Variants in IFIT1 observed in about 807,000 individuals in gnomAD.
IFIT1 encodes the protein antiviral innate immune response effector IFIT1.
A neutral mutation model predicts 2.5 loss-of-function variants in IFIT1; 1 was observed. That is an observed-to-expected ratio of 0.40 (90% CI 0.14 to 1.92). IFIT1 has a LOEUF of 1.92. IFIT1 is among the 40% of genes most tolerant of loss of function. IFIT1 has a pLI of 0.31. For missense variants in IFIT1, 508 were observed against 557.8 expected, an observed-to-expected ratio of 0.91 and a Z score of 0.90; for synonymous variants, 191 against 201.7, an observed-to-expected ratio of 0.95 and a Z score of 0.45.
Position 89,402,344 on chromosome 10 carries a change from GGA to G in IFIT1, c.71_72del (p.Glu24ValfsTer4). The G allele has an allele frequency of 6.2e-7, 1 of 1,614,106 alleles. No individual in the cohort carries two copies. Among genetic ancestry groups the G allele is most frequent in the Non-Finnish European group, 8.5e-7 (1 of 1,179,970 alleles). ...AGCAATTGAGATGTCACTTTACATG[GGA>G]GTTATCCATTGATGACGATGAAATG... ...LEQLRCHFTW[E>X]LSIDDDEMPD... On this transcript the variant is annotated frameshift_variant, in exon 2 of 2. Coordinates refer to ENST00000371804, the MANE Select transcript of IFIT1 (RefSeq NM_001548.5). LOFTEE classifies it low-confidence loss of function (END_TRUNC).
At position 89,404,222 on chromosome 10, in the gene IFIT1, A is replaced by G. The variant is rs907976921; in HGVS notation, c.*510A>G. The G allele has an allele frequency of 1.3e-5, 2 of 151,990 alleles. No homozygotes were observed. Among genetic ancestry groups the G allele is most frequent in the Non-Finnish European group, 1.5e-5 (1 of 68,104 alleles). The allele number at this position is 151,990 out of a possible 1,614,324, so 9.4% of individuals were successfully genotyped here. On this transcript the variant is annotated 3_prime_UTR_variant, in exon 2 of 2. Coordinates refer to ENST00000371804, the MANE Select transcript of IFIT1 (RefSeq NM_001548.5). ...ATGGAAAACAAAGAACAGAAGACTC[A>G]CTCCTTGGCTGACTTCACCTAGCTC...
At chr10:89,401,518 A>G (rs535301203) in intron 1 of IFIT1, among the ~76,000 whole-genome samples, 13 of 152,246 alleles carry the variant, frequency 8.5e-5, no homozygotes, top group Admixed American at 3.9e-4. Context: ...GACAGATGTG[A>G]CCATAAAGGG....
rs767939878 is a variant in IFIT1 at position 89,402,426 on chromosome 10, A to C, written c.151A>C (p.Ser51Arg). 11 of 1,614,088 alleles carry C rather than the reference A, an allele frequency of 6.8e-6. No individual in the cohort carries two copies. The highest frequency in any genetic ancestry group is 7.6e-6 in the Non-Finnish European group (9 of 1,180,032). Reference protein sequence around the residue: ...DQIEFLDTKYSVGIHNLLAYV... With the variant: ...DQIEFLDTKYRVGIHNLLAYV... ...GATTGAATTCCTAGACACCAAATAC[A>C]GTGTGGGAATACACAACCTACTAGC... Residue 51 changes from serine to arginine, a missense_variant, in exon 2 of 2, where the codon AGT becomes CGT. By Grantham distance (110) the Ser-to-Arg change is moderately radical. Coordinates refer to ENST00000371804, the MANE Select transcript of IFIT1 (RefSeq NM_001548.5).
chr10:89,396,022 A>C (rs1019108501), intron 1 of IFIT1, among the ~76,000 whole-genome samples: 6 of 152,342 alleles, frequency 3.9e-5, no homozygotes, highest in African/African-American at 1.4e-4. Flanking sequence ...GGCCATTATG[A>C]ATAGTGCTGC....
Position 89,402,835 on chromosome 10 carries a change from G to C in IFIT1, c.560G>C (p.Arg187Pro). The C allele has an allele frequency of 6.2e-7, 1 of 1,614,142 alleles. No homozygotes were observed. The highest frequency in any genetic ancestry group is 8.5e-7 in the Non-Finnish European group (1 of 1,180,020). ...SSAGYAISAY[R>P]LDGFKLATKN... is the part of the protein sequence containing the mutation. ...GCTGGGTATGCGATCTCTGCCTATCGCCTGGATGGCTTTAAATTAGCCACA... is the reference window on the plus strand; with the variant it reads ...GCTGGGTATGCGATCTCTGCCTATCCCCTGGATGGCTTTAAATTAGCCACA... The change falls in exon 2 of 2, where the codon CGC (arginine) becomes CCC (proline). Residue 187 changes from arginine to proline, a missense_variant. Coordinates refer to ENST00000371804, the MANE Select transcript of IFIT1 (RefSeq NM_001548.5).
intron 1 of IFIT1, among the ~76,000 whole-genome samples, chr10:89,397,109 C>T (rs905611831): frequency 1.3e-5 from 2 of 152,112 alleles, no homozygotes; most frequent in African/African-American, 4.8e-5. Flanking sequence ...TAGTTTTGAT[C>T]TAATTCATGT....
intron 1 of IFIT1, among the ~76,000 whole-genome samples, chr10:89,398,106 G>A (rs565546863): frequency 1.3e-5 from 2 of 152,262 alleles, no homozygotes; most frequent in South Asian, 4.1e-4. Context: ...GGATCAGTCA[G>A]AGTGACGGGA....
intron 1 of IFIT1, among the ~76,000 whole-genome samples, chr10:89,401,790 GA>G (rs59639947): frequency 0.81 from 118,635 of 146,678 alleles, 48,040 homozygotes; most frequent in East Asian, 0.89. Flanking sequence ...AAAAAAAAAT[GA>G]AAAAAAAAAA....
At chr10:89,402,220 CT>C (rs1391389884) in intron 1 of IFIT1, 60 bp from the exon 2 acceptor site, 1 of 1,070,202 alleles carries the variant, frequency 9.3e-7, no homozygotes, top group South Asian at 1.5e-5. Flanking sequence ...GGTATTTTAT[CT>C]GACTTTTTTC....
At chr10:89,393,077 T>C in intron 1 of IFIT1, 1 of 1,190,856 alleles carries the variant, frequency 8.4e-7, no homozygotes, top group Non-Finnish European at 1.1e-6. Context: ...AATGGACAGC[T>C]TGTCTGAGTA....
In IFIT1 at chr10:89,403,492, TA is replaced by T. The variant is rs750102354; in HGVS notation, c.1222del (p.Ile408Ter). Reference sequence around the variant, plus strand: ...GCAATTATCCATTATTTAAAAGCTATAAAAATAGAACAGGCATCATTAACAA... The same window carrying T: ...GCAATTATCCATTATTTAAAAGCTATAAAATAGAACAGGCATCATTAACAA... ...VNAIIHYLKA[I>X]KIEQASLTRD... On this transcript the variant is annotated frameshift_variant, in exon 2 of 2. Coordinates refer to ENST00000371804, the MANE Select transcript of IFIT1 (RefSeq NM_001548.5). LOFTEE classifies it low-confidence loss of function (END_TRUNC). 2.5e-6 allele frequency: 4 copies of T among 1,612,042 alleles called. No homozygotes were observed. The East Asian group carries it at 8.9e-5, about 36-fold the overall frequency.
rs200504886 is a variant in IFIT1 at position 89,403,520 on chromosome 10, G to T, written c.1245G>T (p.Arg415Ser). ...AIKIEQASLT[R>S]DKSINSLKKL... is the part of the protein sequence containing the mutation. ...AAATAGAACAGGCATCATTAACAAG[G>T]GATAAAAGTATCAATTCTTTGAAGA... The change falls in exon 2 of 2, where the codon AGG (arginine) becomes AGT (serine). Residue 415 changes from arginine (R) to serine (S), a missense_variant. Arg to Ser is a moderately radical substitution (Grantham distance 110). Transcript: ENST00000371804. 2.1e-5 allele frequency: 34 copies of T among 1,613,558 alleles called. No homozygotes were observed. Among genetic ancestry groups the T allele is most frequent in the Non-Finnish European group, 2.9e-5 (34 of 1,179,788 alleles).
At position 89,405,950 on chromosome 10, in the gene IFIT1, C is replaced by T. The variant is rs539576507; in HGVS notation, c.*2238C>T. The T allele has an allele frequency of 1.3e-5, 2 of 152,172 alleles. No homozygotes were observed. The highest frequency in any genetic ancestry group is 2.1e-4 in the South Asian group (1 of 4,832). 9.4% of individuals were successfully genotyped at this position (152,172 alleles called of 1,614,324 possible). On this transcript the variant is annotated 3_prime_UTR_variant, in exon 2 of 2. Transcript: ENST00000371804. ...CCCAAGAAAATCTCCAAATTTTGGG[C>T]TTCCAATCCATTTTGCTTCAATTAT...
chr10:89,395,490 T>C (rs928059756), intron 1 of IFIT1, among the ~76,000 whole-genome samples: 2 of 152,170 alleles, frequency 1.3e-5, no homozygotes, highest in Non-Finnish European at 2.9e-5. Context: ...TTTTTTTCAA[T>C]TGCCTCCTTT....
chr10:89,402,794 A>G lies in IFIT1; in HGVS notation c.519A>G (p.Glu173=). The G allele has an allele frequency of 6.2e-7, 1 of 1,614,224 alleles. No individual in the cohort carries two copies. Among genetic ancestry groups the G allele is most frequent in the Non-Finnish European group, 8.5e-7 (1 of 1,180,048 alleles). ...CFEKVLEVDP[E]NPESSAGYAI... ...AAAAGGTGCTTGAAGTGGACCCTGA[A>G]AACCCTGAATCCAGCGCTGGGTATG... Residue 173 remains glutamate, a synonymous_variant, in exon 2 of 2, where the codon GAA becomes GAG. Transcript: ENST00000371804.
Position 89,402,985 on chromosome 10 carries a change from A to G in IFIT1, c.710A>G (p.Glu237Gly), listed in dbSNP as rs1268506977. The change falls in exon 2 of 2, where the codon GAA becomes GGA. Residue 237 changes from glutamate (E) to glycine (G), a missense_variant. Glu to Gly is a moderately conservative substitution (Grantham distance 98). Transcript: ENST00000371804. ...GATGAAGGACAGGAAGCTGAAGGAG[A>G]AAAGTACATTGAAGAAGCTCTAGCC... is the stretch of plus-strand genomic sequence containing the variant. ...LQDEGQEAEG[E>G]KYIEEALANM... 6.2e-7 allele frequency: 1 copy of G among 1,614,108 alleles called. No individual in the cohort carries two copies. The highest frequency in any genetic ancestry group is 1.1e-5 in the South Asian group (1 of 91,072).
intron 1 of IFIT1, among the ~76,000 whole-genome samples, chr10:89,393,874 C>A (rs755407813): frequency 6.6e-6 from 1 of 152,114 alleles, no homozygotes; most frequent in Non-Finnish European, 1.5e-5. Flanking sequence ...CCTCTGTAAA[C>A]AGATGGAGTT....
At chr10:89,392,791 A>T in intron 1 of IFIT1, 74 bp downstream of exon 1, 4 of 1,486,316 alleles carry the variant, frequency 2.7e-6, no homozygotes, top group Non-Finnish European at 3.8e-6. Context: ...CTATTTCAAC[A>T]GGTTAGATCT....
At chr10:89,401,482 G>T (rs1468989302) in intron 1 of IFIT1, among the ~76,000 whole-genome samples, 6 of 152,110 alleles carry the variant, frequency 3.9e-5, no homozygotes, top group African/African-American at 1.4e-4. Flanking sequence ...GGTTACCAAG[G>T]GTTAGGGGAG....
Sources: gnomAD v4.1 joint callset for allele counts (sites outside exome capture counted in the v4.1 genomes callset) on GRCh38, gnomAD v4.1.1 for gene constraint, MANE v1.5 for transcripts, NCBI Gene and HGNC (gene_info 2026-07-23, HGNC 2026-07-21) for gene names.